MAGI2: variants seen among roughly 807,000 people sequenced by gnomAD.
The protein encoded by MAGI2 is membrane associated guanylate kinase, WW and PDZ domain containing 2.
Under a neutral mutation model 133.3 loss-of-function variants are expected in MAGI2, and 35 were observed. The observed-to-expected ratio is 0.26, with a 90% CI of 0.20 to 0.35. MAGI2 has a LOEUF of 0.35. Among genes scored for constraint, MAGI2 ranks in the 10% least tolerant of loss-of-function variants. The pLI is 1.00. For synonymous variants in MAGI2, 729 were observed against 710.6 expected, an observed-to-expected ratio of 1.03 and a Z score of -0.41; for missense variants, 1,636 against 1,863.4, an observed-to-expected ratio of 0.88 and a Z score of 2.25.
intron 1 of MAGI2, among the ~76,000 whole-genome samples, chr7:79,273,711 C>T (rs1292309255): frequency 6.6e-6 from 1 of 151,288 alleles, no homozygotes; most frequent in Non-Finnish European, 1.5e-5. Context: ...ACTTTTGTTA[C>T]AGTATGGCTC....
intron 1 of MAGI2, among the ~76,000 whole-genome samples, chr7:79,452,242 A>T (rs948329082): frequency 1.3e-5 from 2 of 151,930 alleles, no homozygotes; most frequent in East Asian, 1.9e-4. Context: ...ACAACCATTC[A>T]TCTCCTCCGA....
chr7:78,348,930 G>T (rs1208859380), intron 7 of MAGI2, among the ~76,000 whole-genome samples: 1 of 152,186 alleles, frequency 6.6e-6, no homozygotes, highest in Non-Finnish European at 1.5e-5. Flanking sequence ...ACAGGAGAGA[G>T]AAACCAATTA....
At chr7:78,528,176 CAT>C (rs1171075115) in intron 3 of MAGI2, among the ~76,000 whole-genome samples, 1 of 152,170 alleles carries the variant, frequency 6.6e-6, no homozygotes, top group Non-Finnish European at 1.5e-5. Context: ...GGTTGAGAAT[CAT>C]ATTTGTTTTT....
chr7:78,739,440 C>T (rs372565501), intron 2 of MAGI2, among the ~76,000 whole-genome samples: 8 of 152,090 alleles, frequency 5.3e-5, no homozygotes, highest in African/African-American at 1.7e-4. Context: ...GGTGATAGAA[C>T]GAGGTGCCAC....
At chr7:78,234,948 G>C (rs1790373094) in intron 10 of MAGI2, among the ~76,000 whole-genome samples, 1 of 152,030 alleles carries the variant, frequency 6.6e-6, no homozygotes, top group Non-Finnish European at 1.5e-5. Flanking sequence ...ACAGTATAGT[G>C]GCAGAGAGTG....
chr7:78,170,922 T>A (rs1826051757), intron 14 of MAGI2: 1 of 152,216 alleles, frequency 6.6e-6, no homozygotes, highest in South Asian at 2.1e-4. Context: ...CTGAGCATGG[T>A]GTGCCGTGTG....
At chr7:78,380,209 A>T (rs1228203020) in intron 6 of MAGI2, among the ~76,000 whole-genome samples, 2 of 151,920 alleles carry the variant, frequency 1.3e-5, no homozygotes. Context: ...TACAAAATAG[A>T]CTATTTCTTT....
intron 3 of MAGI2, among the ~76,000 whole-genome samples, chr7:78,560,066 C>G (rs142111114): frequency 2.0e-5 from 3 of 152,094 alleles, no homozygotes; most frequent in Non-Finnish European, 2.9e-5. Context: ...AAAAATATTA[C>G]ATGTTCCATG....
At chr7:78,022,224 G>A (rs893484309) in intron 21 of MAGI2, among the ~76,000 whole-genome samples, 5 of 152,186 alleles carry the variant, frequency 3.3e-5, no homozygotes, top group Non-Finnish European at 7.4e-5. Flanking sequence ...CCCATCTAGC[G>A]AGATACAGCT....
chr7:79,333,718 G>T (rs1200501380), intron 1 of MAGI2, among the ~76,000 whole-genome samples: 1 of 151,934 alleles, frequency 6.6e-6, no homozygotes, highest in Non-Finnish European at 1.5e-5. Flanking sequence ...TAATTAATTT[G>T]TTAACCAGAG....
chr7:78,713,621 C>A (rs1390823), intron 2 of MAGI2, among the ~76,000 whole-genome samples: 106,976 of 151,996 alleles, frequency 0.7, 38,298 homozygotes, highest in Middle Eastern at 0.81. Flanking sequence ...CCTTGAATGG[C>A]GGTACATTAA....
rs1488772836 is a variant in MAGI2 at position 78,619,386 on chromosome 7, T to C, written c.538+7734A>G. Among the ~76,000 whole-genome samples, 3 of 151,890 alleles carry C rather than the reference T, an allele frequency of 2.0e-5. No individual in the cohort carries two copies. The East Asian group carries it at 5.8e-4, about 29-fold the overall frequency. ...TGCCCATGCATACTGACCTTAATTA[T>C]ATTTCCTTCAGCTACAATGGAACAA... On this transcript the variant is annotated intron_variant, in intron 3 of 21. Transcript: ENST00000354212.
chr7:79,220,687 G>A (rs573696361), intron 1 of MAGI2, among the ~76,000 whole-genome samples: 3 of 152,106 alleles, frequency 2.0e-5, no homozygotes, highest in Admixed American at 6.5e-5. Context: ...CACTTCTACC[G>A]TGCTGCCTGG....
chr7:78,960,778 C>T (rs1802767662), intron 2 of MAGI2, among the ~76,000 whole-genome samples: 1 of 152,088 alleles, frequency 6.6e-6, no homozygotes, highest in Non-Finnish European at 1.5e-5. Flanking sequence ...GAACATGGAA[C>T]TAACTCCAAA....
chr7:78,117,817 C>T (rs1288566671), intron 20 of MAGI2, among the ~76,000 whole-genome samples: 2 of 152,080 alleles, frequency 1.3e-5, no homozygotes, highest in African/African-American at 4.8e-5. Context: ...TGAATTTTGC[C>T]TGATATAATT....
chr7:78,160,606 G>C (rs893474513), intron 15 of MAGI2, among the ~76,000 whole-genome samples: 1 of 152,138 alleles, frequency 6.6e-6, no homozygotes, highest in East Asian at 1.9e-4. Context: ...CTTTGCATAA[G>C]AATAATTTAC....
At chr7:79,421,296 T>C (rs1346888697) in intron 1 of MAGI2, among the ~76,000 whole-genome samples, 1 of 137,034 alleles carries the variant, frequency 7.3e-6, no homozygotes, top group Non-Finnish European at 1.5e-5. Context: ...ATTGAATCCA[T>C]TGTGTTATTG....
At chr7:79,393,498 T>C (rs931800725) in intron 1 of MAGI2, among the ~76,000 whole-genome samples, 12 of 152,144 alleles carry the variant, frequency 7.9e-5, no homozygotes, top group Admixed American at 1.3e-4. Context: ...AAGTCAATGA[T>C]ACAAATTAAG....
chr7:78,652,342 A>G (rs113611909), intron 2 of MAGI2, among the ~76,000 whole-genome samples: 9 of 152,298 alleles, frequency 5.9e-5, no homozygotes, highest in Non-Finnish European at 1.0e-4. Context: ...TATTCAATAC[A>G]ATAATATCAA....
Sources: allele counts gnomAD v4.1 joint callset (sites outside exome capture counted in the v4.1 genomes callset), GRCh38; gene constraint gnomAD v4.1.1; transcripts MANE v1.5; gene names NCBI Gene and HGNC (gene_info 2026-07-23, HGNC 2026-07-21).